The following KDM4B variants were observed in gnomAD, a reference collection of about 807,000 sequenced individuals.
KDM4B encodes the protein lysine-specific demethylase 4B.
KDM4B carries 32 observed loss-of-function variants against 125.2 expected under a neutral mutation model. The observed-to-expected ratio is 0.26, with a 90% CI of 0.19 to 0.34. KDM4B has a LOEUF of 0.34. KDM4B is among the 10% of genes least tolerant of loss of function. The probability of loss-of-function intolerance (pLI) is 1.00; values close to 1 mark genes in which losing one functional copy is unlikely to be tolerated. For missense variants in KDM4B, 1,190 were observed against 1,577.7 expected (o/e 0.75, Z 4.16); for synonymous variants, 721 against 677.9 (o/e 1.06, Z -0.99).
At chr19:5,033,848 C>T (rs139347836) in intron 3 of KDM4B, among the ~76,000 whole-genome samples, 2 of 151,980 alleles carry the variant, frequency 1.3e-5, no homozygotes, top group East Asian at 2.0e-4. Flanking sequence ...CCATTCTGCT[C>T]GTCTGGGCAT....
At position 5,048,319 on chromosome 19, in the gene KDM4B, TGTGAGTGCGCACGTGA is replaced by T. The variant is rs1053032717; in HGVS notation, c.626+658_626+673del. Among the ~76,000 whole-genome samples, 31 of 152,274 alleles carry T rather than the reference TGTGAGTGCGCACGTGA, an allele frequency of 2.0e-4. No individual in the cohort carries two copies. The East Asian group carries it at 5.6e-3, about 28-fold the overall frequency. On this transcript the variant is annotated intron_variant, in intron 6 of 22. Transcript: ENST00000159111. ...GTGAATGTGCACGTGTGCGCGCGCA[TGTGAGTGCGCACGTGA>T]GTGAGTGTGAGTATGCATGCGTGTG...
chr19:4,995,752 G>A lies in KDM4B; in HGVS notation c.-108-20505G>A, dbSNP rs2035179618. On this transcript the variant is annotated intron_variant, in intron 1 of 22. Transcript: ENST00000159111. ...GGTCCCAGCACAGTATCCCAGGCTG[G>A]CTCCCTTTAAATACTCGTTGTTTTT... Among the ~76,000 whole-genome samples the A allele has an allele frequency of 3.9e-5, 6 of 152,296 alleles. No homozygotes were observed. The South Asian group carries it at 1.2e-3, about 32-fold the overall frequency.
intron 11 of KDM4B, among the ~76,000 whole-genome samples, chr19:5,128,864 G>GT (rs1338623751): frequency 2.7e-5 from 4 of 150,384 alleles, no homozygotes; most frequent in Non-Finnish European, 6.0e-5. Flanking sequence ...GGGGGGCGGG[G>GT]GGGGGGGTCA....
At chr19:5,103,771 A>T (rs1377895265) in intron 9 of KDM4B, among the ~76,000 whole-genome samples, 1 of 152,176 alleles carries the variant, frequency 6.6e-6, no homozygotes, top group Non-Finnish European at 1.5e-5. Context: ...TTGGAGAAGG[A>T]TGGAGGGAAC....
chr19:5,111,149 G>A (rs764403134), intron 10 of KDM4B, among the ~76,000 whole-genome samples: 1 of 152,194 alleles, frequency 6.6e-6, no homozygotes, highest in African/African-American at 2.4e-5. Context: ...CCCAGGCCCC[G>A]TGCCATTGCC....
chr19:4,993,723 GC>G (rs150204790), intron 1 of KDM4B, among the ~76,000 whole-genome samples: 10,207 of 151,800 alleles, frequency 0.067, 1,044 homozygotes, highest in African/African-American at 0.21. Flanking sequence ...TAATCCTCCT[GC>G]CTCAGCATCC....
chr19:5,032,897 T>A lies in KDM4B; in HGVS notation c.7T>A (p.Ser3Thr). The A allele has an allele frequency of 6.2e-7, 1 of 1,613,916 alleles. No individual in the cohort carries two copies. The highest frequency in any genetic ancestry group is 8.5e-7 in the Non-Finnish European group (1 of 1,179,970). Residue 3 changes from serine to threonine, a missense_variant, in exon 3 of 23, where the codon TCT becomes ACT. Around this residue, in one of 7 missense-constraint regions of KDM4B, gnomAD observed 139 missense variants for 248.3 expected, o/e 0.56. Coordinates refer to ENST00000159111, the MANE Select transcript of KDM4B (RefSeq NM_015015.3). ...TTCCCGCACAGCTGCAGCCATGGGGTCTGAGGACCACGGCGCCCAGAACCC... is the reference window on the plus strand; with the variant it reads ...TTCCCGCACAGCTGCAGCCATGGGGACTGAGGACCACGGCGCCCAGAACCC... MG[S>T]EDHGAQNPSC...
chr19:5,119,290 A>C (rs573685484), intron 10 of KDM4B: 4 of 1,058,970 alleles, frequency 3.8e-6, no homozygotes, highest in East Asian at 2.6e-5. Context: ...CGGAGCTCAC[A>C]CTCCCTGTGT....
intron 2 of KDM4B, among the ~76,000 whole-genome samples, chr19:5,026,304 C>T (rs957777359): frequency 3.3e-5 from 5 of 151,750 alleles, no homozygotes; most frequent in East Asian, 4.0e-4. Context: ...GGATTACAGG[C>T]GTGAGCCACC....
intron 9 of KDM4B, among the ~76,000 whole-genome samples, chr19:5,098,600 G>A (rs1300691332): frequency 2.0e-5 from 3 of 152,164 alleles, no homozygotes; most frequent in Admixed American, 6.5e-5. Flanking sequence ...CTGAAGGTCT[G>A]TGTCCCCTCA....
intron 6 of KDM4B, among the ~76,000 whole-genome samples, chr19:5,061,085 T>G (rs2037580833): frequency 6.6e-6 from 1 of 152,158 alleles, no homozygotes; most frequent in Non-Finnish European, 1.5e-5. Flanking sequence ...GGAGGGCCAG[T>G]GTGACGACAC....
intron 2 of KDM4B, among the ~76,000 whole-genome samples, chr19:5,032,084 C>T (rs111759421): frequency 0.073 from 11,043 of 152,172 alleles, 1,311 homozygotes; most frequent in African/African-American, 0.25. Context: ...CCTTCCTGGT[C>T]GGGGTGGGCT....
rs2039735619 is a variant in KDM4B, at chr19:5,141,170, A to AG, written c.2551-2794dup. 1 of 152,260 alleles carries AG rather than the reference A, an allele frequency of 6.6e-6. No individual in the cohort carries two copies. The highest frequency in any genetic ancestry group is 1.5e-5 in the Non-Finnish European group (1 of 68,054). The allele number at this position is 152,260 out of a possible 1,614,324, so 9.4% of individuals were successfully genotyped here. A position where few individuals can be genotyped will look rare whatever the true frequency, so the allele number is the denominator to read the frequency against. ...CCCACAGGTGCTGGGCCACCTGGGCAGGGCTGTGCAGGCAGTCACAGAGGC... is the reference window on the plus strand; with the variant it reads ...CCCACAGGTGCTGGGCCACCTGGGCAGGGGCTGTGCAGGCAGTCACAGAGGC... On this transcript the variant is annotated intron_variant, in intron 18 of 22. Transcript: ENST00000159111. This position sits in a 1 kb window ranked among gnomAD's most constrained non-coding sequence, Gnocchi z 6.4.
intron 6 of KDM4B, among the ~76,000 whole-genome samples, chr19:5,053,916 G>T (rs1410094961): frequency 6.6e-6 from 1 of 152,246 alleles, no homozygotes; most frequent in South Asian, 2.1e-4. Context: ...GGCACACCTG[G>T]TGCCCAGCTT....
chr19:5,110,134 G>A (rs573094133), intron 9 of KDM4B, among the ~76,000 whole-genome samples: 1 of 152,242 alleles, frequency 6.6e-6, no homozygotes, highest in Admixed American at 6.5e-5. Flanking sequence ...GGCAAACCAG[G>A]GACTCACAAC....
At chr19:5,011,986 G>A (rs2035742545) in intron 1 of KDM4B, among the ~76,000 whole-genome samples, 1 of 152,240 alleles carries the variant, frequency 6.6e-6, no homozygotes, top group South Asian at 2.1e-4. Flanking sequence ...CTCAGGGTCA[G>A]CACGTGCGGG....
intron 10 of KDM4B, among the ~76,000 whole-genome samples, chr19:5,117,977 C>T (rs1009901721): frequency 6.6e-6 from 1 of 152,034 alleles, no homozygotes; most frequent in Admixed American, 6.5e-5. Context: ...CTGGAGGAGG[C>T]GCCCCAGAAG....
chr19:5,131,742 A>T lies in KDM4B; in HGVS notation c.1786-145A>T, dbSNP rs1445318541. 6.9e-6 allele frequency: 6 copies of T among 875,720 alleles called. No homozygotes were observed. In the African/African-American group the frequency reaches 9.9e-5, roughly 15 times the overall value. The allele number at this position is 875,720 out of a possible 1,614,324, so 54.2% of individuals were successfully genotyped here. A position where few individuals can be genotyped will look rare whatever the true frequency, so the allele number is the denominator to read the frequency against. On this transcript the variant is annotated intron_variant, in intron 12 of 22. Transcript: ENST00000159111. ...TGGGGTGTCTGTACTTAGAGAACAG[A>T]GGAGCCCTGTGGTTCTTTGCTGGGA...
intron 9 of KDM4B, among the ~76,000 whole-genome samples, chr19:5,087,011 G>A (rs1209863680): frequency 6.6e-6 from 1 of 152,252 alleles, no homozygotes; most frequent in Admixed American, 6.5e-5. Context: ...AGCTTCCAGG[G>A]CCCTGCGCGC....
Sources: allele counts gnomAD v4.1 joint callset (sites outside exome capture counted in the v4.1 genomes callset), GRCh38; gene constraint gnomAD v4.1.1; regional missense constraint gnomAD v4.1.1; non-coding constraint Gnocchi (gnomAD v3.1); transcripts MANE v1.5; gene names NCBI Gene and HGNC (gene_info 2026-07-23, HGNC 2026-07-21).